Variants in MYO3B observed in about 807,000 individuals in gnomAD.
MYO3B encodes the protein myosin IIIB.
MYO3B carries 156 observed loss-of-function variants against 174.6 expected under a neutral mutation model. The observed-to-expected ratio is 0.89, with a 90% CI of 0.78 to 1.02. The LOEUF is 1.02. Ranked by LOEUF, MYO3B falls within the 50% of genes least tolerant of loss-of-function variation. The probability of loss-of-function intolerance (pLI) is 0.00; values close to 1 mark genes in which losing one functional copy is unlikely to be tolerated. For synonymous variants in MYO3B, 563 were observed against 569.1 expected (o/e 0.99, Z 0.15); for missense variants, 1,632 against 1,639.4 (o/e 1.00, Z 0.08).
At chr2:170,208,627 A>C (rs949968651) in intron 3 of MYO3B, among the ~76,000 whole-genome samples, 4 of 152,160 alleles carry the variant, frequency 2.6e-5, no homozygotes, top group Non-Finnish European at 2.9e-5. Flanking sequence ...GGTTAGTCTA[A>C]AGGGTAGGCA....
Position 170,198,623 on chromosome 2 carries a change from A to G in MYO3B, c.3-585A>G, listed in dbSNP as rs552664964. On this transcript the variant is annotated intron_variant, in intron 1 of 34. Transcript: ENST00000408978. ...TTGTGGGACTGACTATATTTCAGTA[A>G]GCAAGAAGTAGATTGGGAAGGTGAA... Among the ~76,000 whole-genome samples, 3 of 152,346 alleles carry G rather than the reference A, an allele frequency of 2.0e-5. No homozygotes were observed. In the East Asian group the frequency reaches 5.8e-4, roughly 29 times the overall value.
At chr2:170,361,078 C>T (rs1345137774) in intron 8 of MYO3B, among the ~76,000 whole-genome samples, 1 of 152,184 alleles carries the variant, frequency 6.6e-6, no homozygotes, top group Non-Finnish European at 1.5e-5. Context: ...ACTGTATACC[C>T]AGCAACTAGT....
intron 1 of MYO3B, among the ~76,000 whole-genome samples, chr2:170,181,885 C>G (rs993944398): frequency 6.6e-6 from 1 of 152,066 alleles, no homozygotes; most frequent in African/African-American, 2.4e-5. Context: ...GCTTATTTCT[C>G]TTAACACTAT....
At chr2:170,423,053 C>T (rs901937989) in intron 22 of MYO3B, among the ~76,000 whole-genome samples, 1 of 136,120 alleles carries the variant, frequency 7.3e-6, no homozygotes, top group African/African-American at 2.8e-5. Flanking sequence ...ATGATCTCAG[C>T]TCACTGCAAC....
chr2:170,287,782 A>T (rs542058294), intron 7 of MYO3B, among the ~76,000 whole-genome samples: 10 of 151,406 alleles, frequency 6.6e-5, no homozygotes, highest in East Asian at 1.9e-4. Context: ...TGTCTTACAT[A>T]AAAAAAAACT....
intron 9 of MYO3B, among the ~76,000 whole-genome samples, chr2:170,374,725 A>C (rs2094276078): frequency 6.8e-6 from 1 of 147,076 alleles, no homozygotes; most frequent in Non-Finnish European, 1.5e-5. Context: ...ATTCATCCCT[A>C]TTTCACTCTC....
chr2:170,526,699 G>A (rs145796917), intron 30 of MYO3B, among the ~76,000 whole-genome samples: 10 of 152,218 alleles, frequency 6.6e-5, no homozygotes, highest in African/African-American at 2.2e-4. Context: ...AATTGGTCAC[G>A]TGTATTTTCA....
intron 32 of MYO3B, among the ~76,000 whole-genome samples, chr2:170,635,948 ATTAT>A: frequency 6.6e-6 from 1 of 152,336 alleles, no homozygotes; most frequent in East Asian, 1.9e-4. Flanking sequence ...TTGTTTTAGA[ATTAT>A]TTAAGTTGTG....
chr2:170,181,992 C>T (rs1159174003), intron 1 of MYO3B, among the ~76,000 whole-genome samples: 1 of 149,678 alleles, frequency 6.7e-6, no homozygotes, highest in African/African-American at 2.6e-5. Context: ...GATTTAGCAT[C>T]TTTTATACAT....
rs371141994 is a variant in MYO3B at position 170,200,245 on chromosome 2, G to C, written c.282G>C (p.Ala94=). 2 of 1,613,218 alleles carry C rather than the reference G, an allele frequency of 1.2e-6. No individual in the cohort carries two copies. The highest frequency in any genetic ancestry group is 3.3e-5 in the Admixed American group (2 of 59,916). The change falls in exon 3 of 35, where the codon GCG becomes GCC. Residue 94 remains alanine (A), a synonymous_variant. Transcript: ENST00000408978. ...VVKFYGMFYK[A]DHCVGGQLWL... ...AGTTTTATGGGATGTTTTACAAAGC[G>C]GATCACTGTGTAGGGGGACAGCTGT...
chr2:170,297,099 A>G (rs1196248005), intron 7 of MYO3B, among the ~76,000 whole-genome samples: 1 of 152,220 alleles, frequency 6.6e-6, no homozygotes, highest in Non-Finnish European at 1.5e-5. Context: ...AAGGTTATGA[A>G]TAGGTAAGAA....
At chr2:170,417,807 A>T (rs2105846298) in intron 22 of MYO3B, among the ~76,000 whole-genome samples, 1 of 152,320 alleles carries the variant, frequency 6.6e-6, no homozygotes. Flanking sequence ...CTCCAGTATG[A>T]CCTCATCTAA....
rs1355326661 is a variant in MYO3B, at chr2:170,556,636, C to T, written c.3733+12648C>T. On this transcript the variant is annotated intron_variant, in intron 32 of 34. Transcript: ENST00000408978. ...TCCCGGACTCAAGTGATTCTCCTGC[C>T]TCAGCTTCCCAAGTAGCTGGGATTA... Among the ~76,000 whole-genome samples, 3 of 152,192 alleles carry T rather than the reference C, an allele frequency of 2.0e-5. No individual in the cohort carries two copies. In the East Asian group the frequency reaches 5.8e-4, roughly 29 times the overall value.
At chr2:170,268,634 T>G (rs1471340654) in intron 7 of MYO3B, among the ~76,000 whole-genome samples, 3 of 152,178 alleles carry the variant, frequency 2.0e-5, no homozygotes, top group Non-Finnish European at 4.4e-5. Flanking sequence ...CAAGTCATAT[T>G]TACTGCCCTT....
chr2:170,627,624 G>A (rs1028805476), intron 32 of MYO3B, among the ~76,000 whole-genome samples: 9 of 152,324 alleles, frequency 5.9e-5, no homozygotes, highest in African/African-American at 7.2e-5. Context: ...GAGGAGAGGC[G>A]CTCTGATTTT....
intron 32 of MYO3B, among the ~76,000 whole-genome samples, chr2:170,641,856 AG>A (rs1697978257): frequency 2.7e-4 from 2 of 7,442 alleles, no homozygotes; most frequent in Non-Finnish European, 4.2e-4. Flanking sequence ...TTTATTGTTA[AG>A]TGGGGGGGGG....
intron 28 of MYO3B, among the ~76,000 whole-genome samples, chr2:170,505,204 G>C (rs755241689): frequency 6.6e-6 from 1 of 151,910 alleles, no homozygotes; most frequent in Admixed American, 6.6e-5. Flanking sequence ...GGAGAGGGGA[G>C]AGGAAGAGAA....
At chr2:170,568,541 G>A (rs1192362615) in intron 32 of MYO3B, among the ~76,000 whole-genome samples, 1 of 152,124 alleles carries the variant, frequency 6.6e-6, no homozygotes, top group Non-Finnish European at 1.5e-5. Flanking sequence ...ATCTTCTTTT[G>A]CCCAAATAAG....
At position 170,367,661 on chromosome 2, in the gene MYO3B, G is replaced by A. The variant is rs957251879; in HGVS notation, c.816-1561G>A. Among the ~76,000 whole-genome samples the A allele has an allele frequency of 2.0e-5, 3 of 152,096 alleles. No individual in the cohort carries two copies. In the South Asian group the frequency reaches 6.2e-4, roughly 32 times the overall value. Reference sequence around the variant, plus strand: ...AGGAAACATGGTTATTAGCATTTTTGCATAATATCTAAGCATATTAACTTT... The same window carrying A: ...AGGAAACATGGTTATTAGCATTTTTACATAATATCTAAGCATATTAACTTT... On this transcript the variant is annotated intron_variant, in intron 8 of 34. Transcript: ENST00000408978.
Sources: gnomAD v4.1 joint callset for allele counts (sites outside exome capture counted in the v4.1 genomes callset) on GRCh38, gnomAD v4.1.1 for gene constraint, MANE v1.5 for transcripts, NCBI Gene and HGNC (gene_info 2026-07-23, HGNC 2026-07-21) for gene names.